Variants in HLA-DRB5 observed in about 807,000 individuals in gnomAD.
The protein encoded by HLA-DRB5 is major histocompatibility complex, class II, DR beta 5, also known as DR beta-5.
Under a neutral mutation model 22.4 loss-of-function variants are expected in HLA-DRB5, and 11 were observed. That is an observed-to-expected ratio of 0.49 (90% CI 0.31 to 0.81). HLA-DRB5 has a LOEUF of 0.81. HLA-DRB5 is among the 40% of genes least tolerant of loss of function. The pLI, the probability that HLA-DRB5 is intolerant of heterozygous loss-of-function variation, is 0.05. For synonymous variants in HLA-DRB5, 57 were observed against 106.0 expected (o/e 0.54, Z 2.84); for missense variants, 106 against 274.4 (o/e 0.39, Z 4.34).
At chr6:32,529,676 C>A (rs68142406) in intron 1 of HLA-DRB5, among the ~76,000 whole-genome samples, 47,799 of 111,732 alleles carry the variant, frequency 0.43, 10,251 homozygotes, top group Admixed American at 0.47. Flanking sequence ...GGAAGAGGAG[C>A]CAATATCACA....
chr6:32,525,519 CAG>C (rs1260092964), intron 1 of HLA-DRB5, among the ~76,000 whole-genome samples: 2 of 109,670 alleles, frequency 1.8e-5, no homozygotes, highest in Admixed American at 9.8e-5. Context: ...ATTCTGAAAA[CAG>C]AGGGCAGAAA....
intron 1 of HLA-DRB5, 130 bp downstream of exon 1, chr6:32,529,995 C>CTTG (rs1562457917): frequency 4.0e-6 from 2 of 499,878 alleles, no homozygotes; most frequent in African/African-American, 2.9e-5. Context: ...TTTGGGATCC[C>CTTG]ATGATAAAGA....
chr6:32,519,298 C>T lies in HLA-DRB5; in HGVS notation c.652+72G>A. 3 of 761,198 alleles carry T rather than the reference C, an allele frequency of 3.9e-6. 1 individual carries two copies. Among genetic ancestry groups the T allele is most frequent in the Non-Finnish European group, 5.9e-6 (3 of 512,756 alleles). 47.2% of individuals were successfully genotyped at this position (761,198 alleles called of 1,614,324 possible). On this transcript the variant is annotated intron_variant, in intron 3 of 5. Coordinates refer to ENST00000374975, the MANE Select transcript of HLA-DRB5 (RefSeq NM_002125.4). ...AAAATAGGATGTGGGAGATGAGAAA[C>T]CTGACACTCAGGGATTAGTAAAGTT...
chr6:32,523,037 T>A (rs796619497), intron 1 of HLA-DRB5, among the ~76,000 whole-genome samples: 14,386 of 121,322 alleles, frequency 0.12, 136 homozygotes, highest in Middle Eastern at 0.24. Context: ...AAGATTAGAC[T>A]GGAGACATCA....
At chr6:32,524,018 A>T (rs192280621) in intron 1 of HLA-DRB5, among the ~76,000 whole-genome samples, 10,863 of 37,962 alleles carry the variant, frequency 0.29, 2,698 homozygotes, top group Middle Eastern at 0.48. Flanking sequence ...CATTGCCACA[A>T]GTTCCCCAAG....
intron 1 of HLA-DRB5, among the ~76,000 whole-genome samples, chr6:32,524,210 T>C (rs73407211): frequency 0.025 from 2,826 of 111,826 alleles, 647 homozygotes; most frequent in Admixed American, 0.051. Context: ...AGAATTCTGG[T>C]CCCAATACAG....
chr6:32,521,176 G>A (rs112916088), intron 2 of HLA-DRB5, among the ~76,000 whole-genome samples: 1 of 46,934 alleles, frequency 2.1e-5, no homozygotes, highest in Non-Finnish European at 4.3e-5. Flanking sequence ...AAGAATAATA[G>A]GTAAGTAGTA....
chr6:32,529,587 A>G (rs192951792), intron 1 of HLA-DRB5, among the ~76,000 whole-genome samples: 6 of 45,668 alleles, frequency 1.3e-4, no homozygotes, highest in African/African-American at 4.0e-4. Context: ...CCTTGCATAC[A>G]TTACAGGGTA....
chr6:32,521,835 A>T lies in HLA-DRB5; in HGVS notation c.370+70T>A, dbSNP rs1159407983. The stretch of plus-strand genomic sequence containing the variant: ...CTCACACACACACACACACACACAC[A>T]CACACACACACACACACACTCAGAT... On this transcript the variant is annotated intron_variant, in intron 2 of 5. Transcript: ENST00000374975. 2.2e-3 allele frequency: 1,474 copies of T among 659,648 alleles called. 258 individuals are homozygous for T. Among genetic ancestry groups the T allele is most frequent in the East Asian group, 2.9e-3 (78 of 26,980 alleles). The allele number at this position is 659,648 out of a possible 1,614,324, so 40.9% of individuals were successfully genotyped here.
intron 1 of HLA-DRB5, among the ~76,000 whole-genome samples, chr6:32,529,261 A>G (rs796413683): frequency 0.19 from 18,856 of 98,466 alleles, 98 homozygotes; most frequent in Admixed American, 0.25. Context: ...CAAATTTCTG[A>G]TATTTGACTA....
chr6:32,519,956 G>T (rs142125357), intron 2 of HLA-DRB5, among the ~76,000 whole-genome samples: 2,308 of 61,204 alleles, frequency 0.038, 23 homozygotes, highest in Middle Eastern at 0.066. Flanking sequence ...ACCTGAGCCA[G>T]GTTGCCTGGC....
In HLA-DRB5 at chr6:32,528,077, G is replaced by A; in HGVS notation, c.100+2048C>T. ...TCCCTGCACATAATTTCCCACACCA[G>A]GGCTTCCCCCCCAATTCGGTCTCCC... is the stretch of plus-strand genomic sequence containing the variant. On this transcript the variant is annotated intron_variant, in intron 1 of 5. Transcript: ENST00000374975. Among the ~76,000 whole-genome samples the A allele has an allele frequency of 5.1e-5, 2 of 39,130 alleles. 1 individual carries two copies. The highest frequency in any genetic ancestry group is 1.1e-4 in the Non-Finnish European group (2 of 18,910). The allele number at this position is 39,130 out of a possible 152,430, so 25.7% of individuals were successfully genotyped here.
chr6:32,525,501 G>A (rs878916137), intron 1 of HLA-DRB5, among the ~76,000 whole-genome samples: 961 of 98,734 alleles, frequency 9.7e-3, no homozygotes, highest in African/African-American at 0.012. Flanking sequence ...GTTTCATAAA[G>A]AATTGTCATT....
chr6:32,526,321 T>G (rs181604422), intron 1 of HLA-DRB5, among the ~76,000 whole-genome samples: 2 of 32,098 alleles, frequency 6.2e-5, no homozygotes, highest in South Asian at 7.6e-4. Flanking sequence ...TTTCTTGACT[T>G]ACACATATGA....
At position 32,519,393 on chromosome 6, in the gene HLA-DRB5, G is replaced by T; in HGVS notation, c.629C>A (p.Thr210Lys). The stretch of plus-strand genomic sequence containing the variant: ...ACTCCATTCCACTGTGAGAGGGCTC[G>T]TCACGCTTGGGTGCTCCACTTGGCA... Reference protein sequence around the residue: ...YTCQVEHPSVTSPLTVEWRAQ... With the variant: ...YTCQVEHPSVKSPLTVEWRAQ... Residue 210 changes from threonine (T) to lysine (K), a missense_variant, in exon 3 of 6, where the codon ACG becomes AAG. Physicochemically the swap from Thr to Lys is moderately conservative, Grantham distance 78. Transcript: ENST00000374975. The T allele has an allele frequency of 1.6e-6, 2 of 1,215,958 alleles. No individual in the cohort carries two copies. Among genetic ancestry groups the T allele is most frequent in the Non-Finnish European group, 2.2e-6 (2 of 912,622 alleles). 75.3% of individuals were successfully genotyped at this position (1,215,958 alleles called of 1,614,324 possible).
intron 3 of HLA-DRB5, among the ~76,000 whole-genome samples, chr6:32,518,900 C>A (rs1768444982): frequency 2.0e-5 from 1 of 50,194 alleles, no homozygotes; most frequent in African/African-American, 7.3e-5. Context: ...GCTTCAACAT[C>A]TGATAAACAG....
intron 1 of HLA-DRB5, among the ~76,000 whole-genome samples, chr6:32,524,418 TCA>T: frequency 8.0e-6 from 1 of 124,964 alleles, no homozygotes; most frequent in African/African-American, 3.1e-5. Context: ...CCCAACTAAC[TCA>T]CGTCTTTCAG....
intron 1 of HLA-DRB5, among the ~76,000 whole-genome samples, chr6:32,522,698 A>AT (rs200454189): frequency 0.51 from 18,649 of 36,752 alleles, 7,601 homozygotes; most frequent in Middle Eastern, 0.84. Context: ...AGTAAAAGTG[A>AT]GGCCAAAAAC....
chr6:32,523,900 GGTAA>G (rs1460573649), intron 1 of HLA-DRB5, among the ~76,000 whole-genome samples: 30,399 of 91,400 alleles, frequency 0.33, 2,703 homozygotes, highest in Middle Eastern at 0.42. Flanking sequence ...ATTCTTTGTT[GGTAA>G]AGGAGGCTGT....
Sources: gnomAD v4.1 joint callset for allele counts (sites outside exome capture counted in the v4.1 genomes callset) on GRCh38, gnomAD v4.1.1 for gene constraint, MANE v1.5 for transcripts, NCBI Gene and HGNC (gene_info 2026-07-23, HGNC 2026-07-21) for gene names.